Variants in RERE observed in about 807,000 individuals in gnomAD.
The protein encoded by RERE is arginine-glutamic acid dipeptide repeats protein.
A neutral mutation model predicts 146.1 loss-of-function variants in RERE; 40 were observed. The ratio of observed to expected loss-of-function variants is 0.27; its 90% CI spans 0.21 to 0.36. The LOEUF is 0.36. RERE is among the 10% of genes least tolerant of loss of function. The pLI is 1.00. For synonymous variants in RERE, 1,003 were observed against 866.0 expected (o/e 1.16, Z -2.78); for missense variants, 1,933 against 2,138.7 (o/e 0.90, Z 1.90).
chr1:8,640,021 T>A (rs1647155765), intron 2 of RERE, among the ~76,000 whole-genome samples: 1 of 152,054 alleles, frequency 6.6e-6, no homozygotes, highest in Non-Finnish European at 1.5e-5. Flanking sequence ...GGCATGGTGA[T>A]ATGCACCTGT....
In RERE at chr1:8,516,227, G is replaced by GGAAAAAAAAAAAAAAAAA. The variant is rs573135224; in HGVS notation, c.831-7553_831-7552insTTTTTTTTTTTTTTTTTC. On this transcript the variant is annotated intron_variant, in intron 7 of 22. Transcript: ENST00000400908. Reference sequence around the variant, plus strand: ...GGGACGGAGCAAGACTCTCTCAGAGGAAAAAAAAAAAAAAAAAAAAAATCT... The same window carrying GGAAAAAAAAAAAAAAAAA: ...GGGACGGAGCAAGACTCTCTCAGAGGGAAAAAAAAAAAAAAAAAAAAAAAAAAAAAAAAAAAAAAATCT... Among the ~76,000 whole-genome samples the GGAAAAAAAAAAAAAAAAA allele has an allele frequency of 2.5e-4, 13 of 52,308 alleles. 3 individuals are homozygous for GGAAAAAAAAAAAAAAAAA. Among genetic ancestry groups the GGAAAAAAAAAAAAAAAAA allele is most frequent in the African/African-American group, 1.1e-3 (13 of 11,628 alleles). The allele number at this position is 52,308 out of a possible 152,430, so 34.3% of individuals were successfully genotyped here.
chr1:8,724,838 G>T (rs1230582691), intron 1 of RERE, among the ~76,000 whole-genome samples: 1 of 123,832 alleles, frequency 8.1e-6, no homozygotes, highest in South Asian at 2.6e-4. Flanking sequence ...CAAAACAAAA[G>T]AAAAAAAAAA....
At chr1:8,682,401 A>G (rs1209205603) in intron 1 of RERE, among the ~76,000 whole-genome samples, 1 of 152,166 alleles carries the variant, frequency 6.6e-6, no homozygotes, top group Non-Finnish European at 1.5e-5. Flanking sequence ...TCCTGTTCTG[A>G]GGTACTATGA....
chr1:8,375,969 C>T (rs181242418), intron 12 of RERE, among the ~76,000 whole-genome samples: 1 of 152,092 alleles, frequency 6.6e-6, no homozygotes, highest in Non-Finnish European at 1.5e-5. Context: ...TATATTTTAT[C>T]TTCACAGACT....
intron 10 of RERE, among the ~76,000 whole-genome samples, chr1:8,473,271 T>G (rs1335024293): frequency 6.6e-6 from 1 of 152,160 alleles, no homozygotes. Context: ...CTTGGTGTCC[T>G]TGAACCCAGT....
intron 12 of RERE, among the ~76,000 whole-genome samples, chr1:8,420,306 G>C (rs1291706874): frequency 2.0e-5 from 3 of 151,920 alleles, no homozygotes; most frequent in African/African-American, 7.3e-5. Context: ...AAGAGAGAGA[G>C]AGAAAGAGAG....
intron 4 of RERE, among the ~76,000 whole-genome samples, chr1:8,603,380 A>G (rs1646657666): frequency 6.6e-6 from 1 of 152,272 alleles, no homozygotes; most frequent in Non-Finnish European, 1.5e-5. Context: ...AGCAACAGGA[A>G]AACCGAGTCA....
At chr1:8,590,298 G>A (rs1271870950) in intron 4 of RERE, among the ~76,000 whole-genome samples, 5 of 151,990 alleles carry the variant, frequency 3.3e-5, no homozygotes, top group African/African-American at 7.2e-5. Flanking sequence ...GGTGCCATTC[G>A]AACACCTGAC....
At position 8,720,080 on chromosome 1, in the gene RERE, A is replaced by G. The variant is rs915143851; in HGVS notation, c.-144-63639T>C. Among the ~76,000 whole-genome samples the G allele has an allele frequency of 9.0e-4, 136 of 151,820 alleles. 1 individual carries two copies. Among genetic ancestry groups the G allele is most frequent in the Admixed American group, 8.7e-3 (133 of 15,238 alleles). ...AGAGATCGAGACCATCCTGGCCAAC[A>G]TGGTGAAACCCTGCCTCTACTAAAA... On this transcript the variant is annotated intron_variant, in intron 1 of 22. Coordinates refer to ENST00000400908, the MANE Select transcript of RERE (RefSeq NM_001042681.2).
chr1:8,503,849 A>T (rs542197865), intron 8 of RERE, among the ~76,000 whole-genome samples: 1 of 152,232 alleles, frequency 6.6e-6, no homozygotes, highest in Admixed American at 6.5e-5. Flanking sequence ...GCTGTTTTCA[A>T]TAAGCATACT....
intron 7 of RERE, among the ~76,000 whole-genome samples, chr1:8,531,857 T>A (rs1570400442): frequency 6.6e-6 from 1 of 152,352 alleles, no homozygotes; most frequent in East Asian, 1.9e-4. Context: ...AGGTCTAGTA[T>A]TTGACTGTGA....
chr1:8,381,216 T>A (rs1642442764), intron 12 of RERE: 2 of 349,594 alleles, frequency 5.7e-6, no homozygotes, highest in South Asian at 4.3e-5. Context: ...TCCTGCAGGA[T>A]ATCAAGTTAT....
At chr1:8,406,474 T>C (rs2124449749) in intron 12 of RERE, among the ~76,000 whole-genome samples, 1 of 152,256 alleles carries the variant, frequency 6.6e-6, no homozygotes, top group Non-Finnish European at 1.5e-5. Flanking sequence ...TACTCTCAAA[T>C]GGTTCATGTG....
Position 8,498,732 on chromosome 1 carries a change from T to TACACACACACACACACAC in RERE, c.880-1221_880-1204dup, listed in dbSNP as rs1553175300. ...AAATAAAAAAAAAAAAATAAATATA[T>TACACACACACACACACAC]ACACACACACACACACACACACACA... On this transcript the variant is annotated intron_variant, in intron 8 of 22. Coordinates refer to ENST00000400908, the MANE Select transcript of RERE (RefSeq NM_001042681.2). Among the ~76,000 whole-genome samples the TACACACACACACACACAC allele has an allele frequency of 5.1e-3, 545 of 107,786 alleles. 8 individuals are homozygous for TACACACACACACACACAC. The highest frequency in any genetic ancestry group is 0.017 in the African/African-American group (440 of 26,494). 70.7% of individuals were successfully genotyped at this position (107,786 alleles called of 152,430 possible).
intron 1 of RERE, among the ~76,000 whole-genome samples, chr1:8,676,193 A>G (rs990925355): frequency 6.6e-6 from 1 of 152,236 alleles, no homozygotes; most frequent in African/African-American, 2.4e-5. Context: ...CTTCCTTAGA[A>G]TAGAATGTGA....
intron 1 of RERE, among the ~76,000 whole-genome samples, chr1:8,788,158 T>C (rs1423980959): frequency 6.6e-6 from 1 of 151,926 alleles, no homozygotes; most frequent in Admixed American, 6.6e-5. Flanking sequence ...GTTGTAGTAC[T>C]AGATAGAGTA....
intron 11 of RERE, among the ~76,000 whole-genome samples, chr1:8,462,969 T>C (rs998400121): frequency 6.6e-6 from 1 of 152,240 alleles, no homozygotes; most frequent in Non-Finnish European, 1.5e-5. Flanking sequence ...GGCCCATGTA[T>C]TTATGTTAGC....
intron 6 of RERE, among the ~76,000 whole-genome samples, chr1:8,549,004 T>TAAAA (rs1645901079): frequency 6.6e-6 from 1 of 152,042 alleles, no homozygotes; most frequent in Non-Finnish European, 1.5e-5. Flanking sequence ...AAATAAAATC[T>TAAAA]TCTAGTGTTG....
At position 8,530,852 on chromosome 1, in the gene RERE, C is replaced by T. The variant is rs947461513; in HGVS notation, c.830+10362G>A. On this transcript the variant is annotated intron_variant, in intron 7 of 22. Coordinates refer to ENST00000400908, the MANE Select transcript of RERE (RefSeq NM_001042681.2). ...GACTACAGGCGCCCGCCACCGCGCC[C>T]GGCTAATTTTTTGTATTTTTAGTAG... 5.3e-5 allele frequency among the ~76,000 whole-genome samples: 8 copies of T among 150,864 alleles called. No individual in the cohort carries two copies. The East Asian group carries it at 1.2e-3, about 22-fold the overall frequency.
Sources: gnomAD v4.1 joint callset for allele counts (sites outside exome capture counted in the v4.1 genomes callset) on GRCh38, gnomAD v4.1.1 for gene constraint, MANE v1.5 for transcripts, NCBI Gene and HGNC (gene_info 2026-07-23, HGNC 2026-07-21) for gene names.